Variants in PTGIS observed in about 807,000 individuals in gnomAD.
PTGIS encodes the protein prostacyclin synthase.
PTGIS carries 45 observed loss-of-function variants against 50.3 expected under a neutral mutation model. That is an observed-to-expected ratio of 0.90 (90% CI 0.70 to 1.15). The LOEUF (loss-of-function observed/expected upper bound fraction) is 1.15. Ranked by LOEUF, PTGIS falls within the 50% of genes most tolerant of loss-of-function variation. The pLI is 0.00. For synonymous variants in PTGIS, 260 were observed against 267.7 expected, an observed-to-expected ratio of 0.97 and a Z score of 0.28; for missense variants, 668 against 661.3, an observed-to-expected ratio of 1.01 and a Z score of -0.11.
chr20:49,514,402 G>C lies in PTGIS; in HGVS notation c.856-7C>G, dbSNP rs1208126821. ...CAGCGGGACCCATATTCCCCTGCAA[G>C]GAGAAGGGCCCCTGTTATGCCATTA... On this transcript the variant is annotated splice_region_variant and splice_polypyrimidine_tract_variant and intron_variant, in intron 6 of 9. Coordinates refer to ENST00000244043, the MANE Select transcript of PTGIS (RefSeq NM_000961.4). 6.2e-7 allele frequency: 1 copy of C among 1,613,230 alleles called. No individual in the cohort carries two copies. Among genetic ancestry groups the C allele is most frequent in the Admixed American group, 1.7e-5 (1 of 59,998 alleles).
intron 1 of PTGIS, among the ~76,000 whole-genome samples, chr20:49,559,343 T>G (rs955689170): frequency 1.3e-5 from 2 of 152,174 alleles, no homozygotes; most frequent in African/African-American, 4.8e-5. Context: ...TCCTCTTGCC[T>G]TCGGAAACGC....
intron 5 of PTGIS, among the ~76,000 whole-genome samples, chr20:49,530,827 T>G (rs1387378271): frequency 6.6e-6 from 1 of 152,218 alleles, no homozygotes; most frequent in Non-Finnish European, 1.5e-5. Context: ...TGGCGTGATC[T>G]CGGCTCACTG....
intron 9 of PTGIS, among the ~76,000 whole-genome samples, chr20:49,510,703 C>T (rs530332336): frequency 8.5e-5 from 13 of 152,218 alleles, no homozygotes; most frequent in African/African-American, 2.6e-4. Flanking sequence ...TCTGAACATG[C>T]GGCAGCAGCT....
rs747737982 is a variant in PTGIS, at chr20:49,507,967, T to G, written c.1456A>C (p.Met486Leu). The change falls in exon 10 of 10, where the codon ATG becomes CTG. Residue 486 changes from methionine (M) to leucine (L), a missense_variant. Transcript: ENST00000244043. ...ACGGGCACGTCGTGTTCCGGCTGCA[T>G]CAGACCGAAGCCGTACCTGCTGAGG... ...FDLSRYGFGLMQPEHDVPVRY... is the reference protein window; with the variant it reads ...FDLSRYGFGLLQPEHDVPVRY... 1 of 1,613,700 alleles carries G rather than the reference T, an allele frequency of 6.2e-7. No homozygotes were observed.
chr20:49,559,733 A>C (rs983589083), intron 1 of PTGIS, among the ~76,000 whole-genome samples: 1 of 152,150 alleles, frequency 6.6e-6, no homozygotes, highest in Admixed American at 6.6e-5. Flanking sequence ...ATTTATATGA[A>C]CTGTCCAGAA....
intron 1 of PTGIS, among the ~76,000 whole-genome samples, chr20:49,553,718 TAAG>T (rs1312339020): frequency 5.9e-5 from 9 of 151,716 alleles, no homozygotes. Flanking sequence ...AATAAGTAAA[TAAG>T]AAGCATGTAA....
Position 49,505,569 on chromosome 20 carries a change from GGGGGAGTC to G in PTGIS, c.*2343_*2350del, listed in dbSNP as rs1981130144. ...GTGACAACCCAGCCTGATTTGGAAG[GGGGGAGTC>G]ATAAGGGTTTTCGCCCAGCACACCA... On this transcript the variant is annotated 3_prime_UTR_variant, in exon 10 of 10. Transcript: ENST00000244043. The G allele has an allele frequency of 1.3e-5, 2 of 152,622 alleles. No individual in the cohort carries two copies. Among genetic ancestry groups the G allele is most frequent in the Non-Finnish European group, 2.9e-5 (2 of 68,054 alleles). The allele number at this position is 152,622 out of a possible 1,614,324, so 9.5% of individuals were successfully genotyped here.
chr20:49,517,734 T>C (rs1368969335), intron 6 of PTGIS, among the ~76,000 whole-genome samples: 2 of 152,168 alleles, frequency 1.3e-5, no homozygotes, highest in African/African-American at 4.8e-5. Flanking sequence ...TCTTGTTGCC[T>C]CCTGACAACA....
At chr20:49,556,289 A>G (rs1982621609) in intron 1 of PTGIS, among the ~76,000 whole-genome samples, 2 of 152,204 alleles carry the variant, frequency 1.3e-5, no homozygotes, top group South Asian at 4.1e-4. Flanking sequence ...TTATTTTACC[A>G]AGGCTTTAAC....
At chr20:49,531,371 G>T (rs1406585209) in intron 5 of PTGIS, among the ~76,000 whole-genome samples, 3 of 152,134 alleles carry the variant, frequency 2.0e-5, no homozygotes, top group Admixed American at 2.0e-4. Flanking sequence ...TAAAGGGGGA[G>T]TCTGCATAAA....
chr20:49,557,655 C>T (rs1364931622), intron 1 of PTGIS, among the ~76,000 whole-genome samples: 1 of 152,032 alleles, frequency 6.6e-6, no homozygotes, highest in Non-Finnish European at 1.5e-5. Context: ...ATTCACTCTG[C>T]CATGAGGAAA....
In PTGIS at chr20:49,568,095, C is replaced by A; in HGVS notation, c.22G>T (p.Gly8Cys). 1 of 1,433,956 alleles carries A rather than the reference C, an allele frequency of 7.0e-7. No individual in the cohort carries two copies. Among genetic ancestry groups the A allele is most frequent in the Non-Finnish European group, 9.1e-7 (1 of 1,098,666 alleles). The allele number at this position is 1,433,956 out of a possible 1,614,324, so 88.8% of individuals were successfully genotyped here. Residue 8 changes from glycine (G) to cysteine (C), a missense_variant, in exon 1 of 10, where the codon GGC becomes TGC. Coordinates refer to ENST00000244043, the MANE Select transcript of PTGIS (RefSeq NM_000961.4). MAWAALL[G>C]LLAALLLLLL... ...AGCAGCAACAGTGCGGCCAGGAGGC[C>A]GAGGAGCGCGGCCCAAGCCATCGCG...
chr20:49,521,404 T>A (rs1474974038), intron 6 of PTGIS, among the ~76,000 whole-genome samples: 1 of 152,182 alleles, frequency 6.6e-6, no homozygotes, highest in African/African-American at 2.4e-5. Flanking sequence ...TTCTGGACGC[T>A]GTCAACGACT....
intron 5 of PTGIS, among the ~76,000 whole-genome samples, chr20:49,525,596 T>A (rs6090998): frequency 0.22 from 33,605 of 151,230 alleles, 7,480 homozygotes; most frequent in African/African-American, 0.58. Context: ...TTTTTTTTTT[T>A]AAAATATTTT....
intron 9 of PTGIS, among the ~76,000 whole-genome samples, chr20:49,509,022 G>A (rs1981238460): frequency 6.6e-6 from 1 of 152,226 alleles, no homozygotes; most frequent in Non-Finnish European, 1.5e-5. Context: ...TCTCACTGAA[G>A]GAGTGAAGAA....
chr20:49,549,959 G>A, intron 2 of PTGIS, 107 bp downstream of exon 2: 4 of 1,563,264 alleles, frequency 2.6e-6, no homozygotes, highest in Non-Finnish European at 2.6e-6. Flanking sequence ...GTTGGATGGT[G>A]GGGTGGGGGG....
intron 6 of PTGIS, among the ~76,000 whole-genome samples, chr20:49,515,803 G>A (rs901712645): frequency 2.6e-5 from 4 of 152,182 alleles, no homozygotes; most frequent in East Asian, 1.9e-4. Context: ...GCATGCAAAC[G>A]CAAGGTGCAG....
In PTGIS at chr20:49,568,123, G is replaced by GCTGGCGGGGCTGGCGGGA; in HGVS notation, c.-8_-7insTCCCGCCAGCCCCGCCAG. The stretch of plus-strand genomic sequence containing the variant: ...GGAGCGCGGCCCAAGCCATCGCGGG[G>GCTGGCGGGGCTGGCGGGA]CTGGCGGGGCTGGCGGGGCTGGCGG... On this transcript the variant is annotated 5_prime_UTR_variant, in exon 1 of 10. Coordinates refer to ENST00000244043, the MANE Select transcript of PTGIS (RefSeq NM_000961.4). The GCTGGCGGGGCTGGCGGGA allele has an allele frequency of 2.8e-6, 3 of 1,087,932 alleles. No homozygotes were observed. Among genetic ancestry groups the GCTGGCGGGGCTGGCGGGA allele is most frequent in the Non-Finnish European group, 2.4e-6 (2 of 831,538 alleles). The allele number at this position is 1,087,932 out of a possible 1,614,324, so 67.4% of individuals were successfully genotyped here. A position where few individuals can be genotyped will look rare whatever the true frequency, so the allele number is the denominator to read the frequency against.
At chr20:49,551,774 GTGTGTATGTGTGTGTATGCA>G in intron 1 of PTGIS, among the ~76,000 whole-genome samples, 1 of 150,172 alleles carries the variant, frequency 6.7e-6, no homozygotes, top group Non-Finnish European at 1.5e-5. Flanking sequence ...GTGTGTATGC[GTGTGTATGTGTGTGTATGCA>G]TGTGTATGTG....
Sources: gnomAD v4.1 joint callset for allele counts (sites outside exome capture counted in the v4.1 genomes callset) on GRCh38, gnomAD v4.1.1 for gene constraint, MANE v1.5 for transcripts, NCBI Gene and HGNC (gene_info 2026-07-23, HGNC 2026-07-21) for gene names.